The following GALNT17 variants were observed in gnomAD, a reference collection of about 807,000 sequenced individuals.
GALNT17 encodes UDP-GalNAc:polypeptide N-acetylgalactosaminyltransferase-like 3.
Under a neutral mutation model 63.7 loss-of-function variants are expected in GALNT17, and 29 were observed. The ratio of observed to expected loss-of-function variants is 0.46; its 90% confidence interval spans 0.34 to 0.62. The LOEUF (loss-of-function observed/expected upper bound fraction) is 0.62, where lower values mean the gene tolerates loss of function less well. GALNT17 is among the 20% of genes least tolerant of loss of function. GALNT17 has a pLI of 0.01. For missense variants in GALNT17, 603 were observed against 799.6 expected, an observed-to-expected ratio of 0.75 and a Z score of 2.97; for synonymous variants, 305 against 318.3, an observed-to-expected ratio of 0.96 and a Z score of 0.45.
intron 1 of GALNT17, among the ~76,000 whole-genome samples, chr7:71,289,754 C>G (rs1261797062): frequency 6.6e-6 from 1 of 152,160 alleles, no homozygotes; most frequent in Non-Finnish European, 1.5e-5. Context: ...TAGCGCATGC[C>G]TGTAATCCCA....
At chr7:71,399,442 T>A (rs575755030) in intron 3 of GALNT17, among the ~76,000 whole-genome samples, 1 of 152,328 alleles carries the variant, frequency 6.6e-6, no homozygotes, top group East Asian at 1.9e-4. Flanking sequence ...TAGCTTGGGA[T>A]CATCTGTCAC....
At chr7:71,479,843 A>C (rs527345643) in intron 5 of GALNT17, among the ~76,000 whole-genome samples, 1 of 152,280 alleles carries the variant, frequency 6.6e-6, no homozygotes, top group East Asian at 1.9e-4. Flanking sequence ...TTTTCTAGGA[A>C]ATCTTCCAAA....
At chr7:71,252,876 C>T (rs763690533) in intron 1 of GALNT17, among the ~76,000 whole-genome samples, 5 of 152,096 alleles carry the variant, frequency 3.3e-5, no homozygotes, top group Admixed American at 6.6e-5. Context: ...TATCTTTTAC[C>T]CTAAAGCAGT....
chr7:71,421,236 C>A lies in GALNT17; in HGVS notation c.962+131C>A, dbSNP rs11981404. ...GTGCACACAGCTCTCCAGGAGCCGC[C>A]GTTGTCTCAGGATCACAGCTTTCCT... On this transcript the variant is annotated intron_variant, in intron 5 of 10. Coordinates refer to ENST00000333538, the MANE Select transcript of GALNT17 (RefSeq NM_022479.3). 0.011 allele frequency: 10,732 copies of A among 933,858 alleles called. 837 individuals are homozygous for A. In the African/African-American group the frequency reaches 0.16, roughly 14 times the overall value. 57.8% of individuals were successfully genotyped at this position (933,858 alleles called of 1,614,324 possible).
At chr7:71,605,751 T>G (rs754207073) in intron 6 of GALNT17, among the ~76,000 whole-genome samples, 1 of 152,146 alleles carries the variant, frequency 6.6e-6, no homozygotes, top group Non-Finnish European at 1.5e-5. Flanking sequence ...GAATTTTGAC[T>G]CTGATGGTGT....
chr7:71,709,417 G>T (rs1791760905), intron 9 of GALNT17, among the ~76,000 whole-genome samples: 1 of 152,062 alleles, frequency 6.6e-6, no homozygotes, highest in Non-Finnish European at 1.5e-5. Context: ...TGAATCAAAG[G>T]CCATGAACAT....
chr7:71,137,700 G>T (rs746851818), intron 1 of GALNT17, among the ~76,000 whole-genome samples: 16 of 152,180 alleles, frequency 1.1e-4, no homozygotes, highest in Non-Finnish European at 2.1e-4. Flanking sequence ...GGCTCGTCTA[G>T]TCTTCACCTT....
intron 5 of GALNT17, among the ~76,000 whole-genome samples, chr7:71,436,075 A>G (rs1052760447): frequency 6.6e-6 from 1 of 151,230 alleles, no homozygotes; most frequent in Non-Finnish European, 1.5e-5. Context: ...AGGGAGACTG[A>G]TTTGAGTAAT....
intron 2 of GALNT17, among the ~76,000 whole-genome samples, chr7:71,338,050 AT>A (rs1223889518): frequency 6.6e-6 from 1 of 151,336 alleles, no homozygotes; most frequent in Non-Finnish European, 1.5e-5. Context: ...AAACCTAAAA[AT>A]TGCGAGGTGC....
At chr7:71,326,472 G>A (rs1791706718) in intron 1 of GALNT17, among the ~76,000 whole-genome samples, 2 of 151,944 alleles carry the variant, frequency 1.3e-5, no homozygotes, top group South Asian at 4.2e-4. Context: ...AAGAAAGAAA[G>A]CAAGAAAGAG....
intron 6 of GALNT17, among the ~76,000 whole-genome samples, chr7:71,625,032 G>T (rs965798140): frequency 6.6e-6 from 1 of 152,134 alleles, no homozygotes; most frequent in Non-Finnish European, 1.5e-5. Flanking sequence ...ATTTTGACCT[G>T]GTAGAGCCCT....
intron 6 of GALNT17, among the ~76,000 whole-genome samples, chr7:71,619,474 G>A (rs1056773737): frequency 6.6e-6 from 1 of 152,190 alleles, no homozygotes; most frequent in African/African-American, 2.4e-5. Context: ...TCTTTCAGCA[G>A]TGTTTTCTAG....
chr7:71,204,609 A>G (rs1789236955), intron 1 of GALNT17, among the ~76,000 whole-genome samples: 1 of 146,898 alleles, frequency 6.8e-6, no homozygotes, highest in Non-Finnish European at 1.5e-5. Flanking sequence ...CCTGTTGCCC[A>G]GACTGGAGTG....
At chr7:71,250,507 C>G (rs569355147) in intron 1 of GALNT17, among the ~76,000 whole-genome samples, 3 of 152,122 alleles carry the variant, frequency 2.0e-5, no homozygotes, top group African/African-American at 7.2e-5. Flanking sequence ...TAGTAACTTG[C>G]TAGGAATATA....
At chr7:71,410,848 C>T (rs1043863195) in intron 3 of GALNT17, among the ~76,000 whole-genome samples, 1 of 150,866 alleles carries the variant, frequency 6.6e-6, no homozygotes, top group Admixed American at 6.6e-5. Flanking sequence ...GTTCGCTTCT[C>T]CCCCTCAACC....
At chr7:71,307,811 A>G (rs1315214925) in intron 1 of GALNT17, 2 of 152,348 alleles carry the variant, frequency 1.3e-5, no homozygotes, top group East Asian at 4.1e-4. Flanking sequence ...TTTTTAGAAT[A>G]GAACAATGCT....
At chr7:71,243,660 C>G (rs569663222) in intron 1 of GALNT17, among the ~76,000 whole-genome samples, 14 of 152,286 alleles carry the variant, frequency 9.2e-5, no homozygotes, top group African/African-American at 3.4e-4. Flanking sequence ...CCATCTTGGC[C>G]TCCAGAGTAG....
chr7:71,570,325 G>C (rs569780770), intron 5 of GALNT17, among the ~76,000 whole-genome samples: 2 of 152,144 alleles, frequency 1.3e-5, no homozygotes, highest in Admixed American at 1.3e-4. Context: ...ATACCTTTAG[G>C]CACTAGGATG....
intron 1 of GALNT17, among the ~76,000 whole-genome samples, chr7:71,201,256 T>TATATATATATATATATATATATATAA (rs1562909684): frequency 6.7e-6 from 1 of 149,570 alleles, no homozygotes; most frequent in Non-Finnish European, 1.5e-5. Context: ...TATATATATA[T>TATATATATATATATATATATATATAA]AATTTGTGTG....
Sources: gnomAD v4.1 joint callset for allele counts (sites outside exome capture counted in the v4.1 genomes callset) on GRCh38, gnomAD v4.1.1 for gene constraint, MANE v1.5 for transcripts, NCBI Gene and HGNC (gene_info 2026-07-23, HGNC 2026-07-21) for gene names.